The following ALDH1L1 variants were observed in gnomAD, a reference collection of about 807,000 sequenced individuals.
ALDH1L1 encodes cytosolic 10-formyltetrahydrofolate dehydrogenase.
Under a neutral mutation model 101.1 loss-of-function variants are expected in ALDH1L1, and 68 were observed. That is an observed-to-expected ratio of 0.67 (90% CI 0.55 to 0.82). ALDH1L1 has a LOEUF of 0.82. Among genes scored for constraint, ALDH1L1 ranks in the 40% least tolerant of loss-of-function variants. The probability of loss-of-function intolerance (pLI) is 0.00; values close to 1 mark genes in which losing one functional copy is unlikely to be tolerated. For synonymous variants in ALDH1L1, 486 were observed against 470.8 expected (o/e 1.03, Z -0.42); for missense variants, 1,087 against 1,172.7 (o/e 0.93, Z 1.07).
chr3:126,110,827 C>T lies in ALDH1L1; in HGVS notation c.2182-718G>A, dbSNP rs772387563. 2.6e-5 allele frequency among the ~76,000 whole-genome samples: 4 copies of T among 152,178 alleles called. No homozygotes were observed. In the East Asian group the frequency reaches 5.8e-4, roughly 22 times the overall value. ...TGTCCTGTCGCCCCAAACCGCACCC[C>T]GATCAAATGGCTTTGTATCTTGGAT... On this transcript the variant is annotated intron_variant, in intron 19 of 22. Coordinates refer to ENST00000393434, the MANE Select transcript of ALDH1L1 (RefSeq NM_012190.4).
chr3:126,182,498 T>G (rs967806509), upstream of ALDH1L1, among the ~76,000 whole-genome samples: 3 of 152,198 alleles, frequency 2.0e-5, no homozygotes, highest in Admixed American at 6.5e-5. Context: ...TTGATTAACA[T>G]GTCTCTGGAC....
intron 1 of ALDH1L1, among the ~76,000 whole-genome samples, chr3:126,196,464 T>A (rs2081582739): frequency 6.6e-6 from 1 of 151,932 alleles, no homozygotes; most frequent in African/African-American, 2.4e-5. Context: ...AGCTTGAATA[T>A]CTGCTTTTAA....
At chr3:126,104,019 A>G in intron 22 of ALDH1L1, 173 bp from the exon 23 acceptor site, 1 of 673,454 alleles carries the variant, frequency 1.5e-6, no homozygotes, top group Non-Finnish European at 2.5e-6. Flanking sequence ...TATCCCTGGC[A>G]GTGGATAGTG....
At position 126,105,914 on chromosome 3, in the gene ALDH1L1, G is replaced by A. The variant is rs752368429; in HGVS notation, c.2465C>T (p.Ala822Val). Residue 822 changes from alanine (A) to valine (V), a missense_variant, in exon 22 of 23, where the codon GCC (alanine) becomes GTC (valine). Ala to Val is a moderately conservative substitution (Grantham distance 64, BLOSUM62 0). This residue lies in a region of ALDH1L1 where 442 missense variants were observed against 535.7 expected (regional missense o/e 0.83). Coordinates refer to ENST00000393434, the MANE Select transcript of ALDH1L1 (RefSeq NM_012190.4). ...CGTGGCATTGGCCCGAGACAGCACG[G>A]CATCCAAGTCCCTGGAGAGAAAGTC... ...ISRFADGDLD[A>V]VLSRANATEF... 1.2e-6 allele frequency: 2 copies of A among 1,613,032 alleles called. No homozygotes were observed. The highest frequency in any genetic ancestry group is 2.2e-5 in the South Asian group (2 of 91,068).
chr3:126,140,509 T>C (rs2080545778), intron 9 of ALDH1L1, among the ~76,000 whole-genome samples: 1 of 152,108 alleles, frequency 6.6e-6, no homozygotes, highest in Admixed American at 6.6e-5. Flanking sequence ...TGAAAGTCCA[T>C]ATTATTGTAT....
chr3:126,154,951 T>A (rs112122272), intron 5 of ALDH1L1, among the ~76,000 whole-genome samples: 4 of 152,258 alleles, frequency 2.6e-5, no homozygotes, highest in African/African-American at 7.2e-5. Context: ...GGCCCAACCT[T>A]TCACTGGCAG....
intron 16 of ALDH1L1, among the ~76,000 whole-genome samples, chr3:126,119,705 G>A (rs2080041587): frequency 6.6e-6 from 1 of 152,106 alleles, no homozygotes; most frequent in Non-Finnish European, 1.5e-5. Context: ...ACTGTTTTGG[G>A]GAGAAAACGT....
chr3:126,131,281 C>T (rs2080297410), intron 13 of ALDH1L1, 103 bp downstream of exon 13: 1 of 1,357,564 alleles, frequency 7.4e-7, no homozygotes, highest in South Asian at 1.7e-5. Flanking sequence ...CAGTTGTGGT[C>T]ATTTGCTGCG....
chr3:126,141,047 A>C (rs942435773), intron 9 of ALDH1L1, among the ~76,000 whole-genome samples: 2 of 152,054 alleles, frequency 1.3e-5, no homozygotes, highest in East Asian at 3.8e-4. Context: ...ATATGCTACA[A>C]GAGAATCACT....
rs774179497 is a variant in ALDH1L1 at position 126,160,942 on chromosome 3, T to C, written c.38A>G (p.Gln13Arg). 1 of 1,614,276 alleles carries C rather than the reference T, an allele frequency of 6.2e-7. No individual in the cohort carries two copies. Among genetic ancestry groups the C allele is most frequent in the Non-Finnish European group, 8.5e-7 (1 of 1,180,050 alleles). Residue 13 changes from glutamine to arginine, a missense_variant, in exon 2 of 23, where the codon CAG becomes CGG. Around this residue, in one of 2 missense-constraint regions of ALDH1L1, gnomAD observed 645 missense variants for 637.0 expected, o/e 1.01. Coordinates refer to ENST00000393434, the MANE Select transcript of ALDH1L1 (RefSeq NM_012190.4). ...IAVIGQSLFG[Q>R]EVYCHLRKEG... Reference sequence around the variant, plus strand: ...CTTCCTCAGGTGGCAGTAAACTTCCTGGCCAAACAGGCTCTGTCCAATCAC... The same window carrying C: ...CTTCCTCAGGTGGCAGTAAACTTCCCGGCCAAACAGGCTCTGTCCAATCAC...
chr3:126,154,742 G>A (rs1467826211), intron 5 of ALDH1L1, 99 bp from the exon 6 acceptor site: 2 of 1,090,924 alleles, frequency 1.8e-6, no homozygotes, highest in African/African-American at 3.1e-5. Flanking sequence ...TGAGACAGCT[G>A]GTAACCCCAG....
intron 4 of ALDH1L1, chr3:126,155,781 G>T (rs761360974): frequency 4.6e-5 from 14 of 304,762 alleles, no homozygotes; most frequent in Middle Eastern, 8.4e-4. Context: ...AAACTGTAAA[G>T]CCCTGCAGGT....
chr3:126,158,938 C>T (rs567620565), intron 2 of ALDH1L1, among the ~76,000 whole-genome samples: 8 of 152,182 alleles, frequency 5.3e-5, no homozygotes, highest in Non-Finnish European at 8.8e-5. Flanking sequence ...TTGCCATCCC[C>T]GTCACTGAGT....
intron 9 of ALDH1L1, 73 bp downstream of exon 9, chr3:126,146,762 C>A: frequency 6.6e-7 from 1 of 1,509,572 alleles, no homozygotes; most frequent in South Asian, 1.2e-5. Flanking sequence ...TTGTTTCCTG[C>A]TGCTCAGTTT....
intron 1 of ALDH1L1, among the ~76,000 whole-genome samples, chr3:126,195,958 G>T (rs1190080804): frequency 1.3e-5 from 2 of 152,064 alleles, no homozygotes; most frequent in East Asian, 3.9e-4. Context: ...ACCGGGGCCT[G>T]TCATGGGGTG....
At chr3:126,125,565 C>A in intron 15 of ALDH1L1, 51 bp downstream of exon 15, 1 of 1,379,316 alleles carries the variant, frequency 7.2e-7, no homozygotes. Flanking sequence ...GAGTGAGTTC[C>A]TGATCCTCTC....
chr3:126,164,798 T>C (rs2081132627), intron 1 of ALDH1L1, among the ~76,000 whole-genome samples: 2 of 152,236 alleles, frequency 1.3e-5, no homozygotes, highest in Admixed American at 1.3e-4. Flanking sequence ...TAAACTTTTC[T>C]TTAAGAAACT....
chr3:126,159,456 G>T (rs1223798730), intron 2 of ALDH1L1: 1 of 456,556 alleles, frequency 2.2e-6, no homozygotes, highest in African/African-American at 2.0e-5. Flanking sequence ...CAATACCCAA[G>T]GAACACTTCT....
intron 9 of ALDH1L1, among the ~76,000 whole-genome samples, chr3:126,140,780 T>A (rs981860948): frequency 6.6e-6 from 1 of 151,040 alleles, no homozygotes; most frequent in Non-Finnish European, 1.5e-5. Context: ...CAGAAATAAC[T>A]AAAAACATAC....
Sources: allele counts gnomAD v4.1 joint callset (sites outside exome capture counted in the v4.1 genomes callset), GRCh38; gene constraint gnomAD v4.1.1; regional missense constraint gnomAD v4.1.1; transcripts MANE v1.5; gene names NCBI Gene and HGNC (gene_info 2026-07-23, HGNC 2026-07-21).